DST: variants seen among roughly 807,000 people sequenced by gnomAD.
The protein encoded by DST is dystonin.
Under a neutral mutation model 875.2 loss-of-function variants are expected in DST, and 253 were observed. The ratio of observed to expected loss-of-function variants is 0.29; its 90% CI spans 0.26 to 0.32. DST has a LOEUF of 0.32. Among genes scored for constraint, DST ranks in the 10% least tolerant of loss-of-function variants. DST has a pLI of 1.00. For missense variants in DST, 8,287 were observed against 9,111.6 expected, an observed-to-expected ratio of 0.91 and a Z score of 3.68; for synonymous variants, 3,124 against 3,197.1, an observed-to-expected ratio of 0.98 and a Z score of 0.77.
chr6:56,920,237 T>C (rs2127737564), intron 2 of DST, among the ~76,000 whole-genome samples: 1 of 152,248 alleles, frequency 6.6e-6, no homozygotes, highest in South Asian at 2.1e-4. Flanking sequence ...TCCCCTCCAA[T>C]ATTACTTGCC....
intron 2 of DST, among the ~76,000 whole-genome samples, chr6:56,911,425 C>A (rs1406624416): frequency 6.6e-6 from 1 of 152,106 alleles, no homozygotes. Context: ...AAACTGTGTG[C>A]CTCTGGTATA....
chr6:56,648,127 T>C (rs1034205559), intron 13 of DST, among the ~76,000 whole-genome samples: 1 of 152,204 alleles, frequency 6.6e-6, no homozygotes, highest in Non-Finnish European at 1.5e-5. Context: ...TGAAATACTG[T>C]GTACCTCTTC....
At position 56,639,747 on chromosome 6, in the gene DST, C is replaced by A; in HGVS notation, c.2646G>T (p.Leu882=). The A allele has an allele frequency of 6.2e-7, 1 of 1,613,358 alleles. No homozygotes were observed. Among genetic ancestry groups the A allele is most frequent in the South Asian group, 1.1e-5 (1 of 90,978 alleles). The change falls in exon 20 of 104, where the codon CTG becomes CTT. Residue 882 remains leucine (L), a synonymous_variant. Transcript: ENST00000680361. ...SEIQMTAPLK[L]TYAEKLHRLE... ...ATCTGTGCAACTTTTCTGCATAAGTCAGTTTAAGAGGTGCTGTCATTTGAA... is the reference window on the plus strand; with the variant it reads ...ATCTGTGCAACTTTTCTGCATAAGTAAGTTTAAGAGGTGCTGTCATTTGAA...
chr6:56,628,031 T>C lies in DST; in HGVS notation c.4606A>G (p.Lys1536Glu). Residue 1536 changes from lysine (K) to glutamate (E), a missense_variant, in exon 33 of 104, where the codon AAA becomes GAA. Transcript: ENST00000680361. ...KIQENQPENS[K>E]TLATQLNQQK... ...TGATTCAACTGTGTGGCTAGGGTTT[T>C]ACTATTTTCAGGCTGATTTTCCTGA... 1 of 1,613,976 alleles carries C rather than the reference T, an allele frequency of 6.2e-7. No homozygotes were observed. Among genetic ancestry groups the C allele is most frequent in the Non-Finnish European group, 8.5e-7 (1 of 1,179,842 alleles).
chr6:56,748,861 G>A (rs1176227036), intron 4 of DST, among the ~76,000 whole-genome samples: 1 of 152,062 alleles, frequency 6.6e-6, no homozygotes, highest in Non-Finnish European at 1.5e-5. Flanking sequence ...CAACATCAAG[G>A]AACTAGGACA....
Position 56,459,057 on chromosome 6 carries a change from G to A in DST, c.23405C>T (p.Thr7802Met), listed in dbSNP as rs367598583. ...GCTGGCAGGTGATTTCCTCTGGGGC[G>A]TGGGGATTTTTGAAGGCTTCGCTGT... ...PSTAKPSKIP[T>M]PQRKSPASKL... The change falls in exon 104 of 104, where the codon ACG becomes ATG. Residue 7802 changes from threonine to methionine, a missense_variant. By Grantham distance (81) the Thr-to-Met change is moderately conservative. Around this residue, in one of 10 missense-constraint regions of DST, gnomAD observed 240 missense variants for 237.3 expected, o/e 1.01. Transcript: ENST00000680361. The A allele has an allele frequency of 1.0e-4, 168 of 1,613,832 alleles. No homozygotes were observed. Among genetic ancestry groups the A allele is most frequent in the Non-Finnish European group, 1.3e-4 (153 of 1,179,852 alleles).
At chr6:56,474,871 A>G (rs980512494) in intron 92 of DST, among the ~76,000 whole-genome samples, 1 of 148,324 alleles carries the variant, frequency 6.7e-6, no homozygotes, top group Non-Finnish European at 1.5e-5. Flanking sequence ...AGGTGGGAGG[A>G]TCACTTGAGC....
At chr6:56,685,496 G>A (rs2099179018) in intron 9 of DST, among the ~76,000 whole-genome samples, 1 of 152,110 alleles carries the variant, frequency 6.6e-6, no homozygotes, top group Non-Finnish European at 1.5e-5. Flanking sequence ...AAAAGTCAAG[G>A]CTGGGTGGCT....
At chr6:56,496,538 C>T (rs1221459946) in intron 82 of DST, among the ~76,000 whole-genome samples, 2 of 151,878 alleles carry the variant, frequency 1.3e-5, no homozygotes, top group African/African-American at 4.8e-5. Flanking sequence ...ATGAGACAAT[C>T]ATGCTTATAA....
intron 10 of DST, 45 bp from the exon 11 acceptor site, chr6:56,651,289 A>G (rs1162822918): frequency 1.8e-6 from 2 of 1,140,700 alleles, no homozygotes; most frequent in East Asian, 2.6e-5. Flanking sequence ...TCATGTGCCA[A>G]TTCAACATTA....
At chr6:56,789,893 C>A (rs532209028) in intron 4 of DST, among the ~76,000 whole-genome samples, 1 of 152,186 alleles carries the variant, frequency 6.6e-6, no homozygotes, top group Non-Finnish European at 1.5e-5. Context: ...CTGTAAATAA[C>A]GCTGCTATGT....
At chr6:56,591,517 C>G (rs1464812350) in intron 49 of DST, among the ~76,000 whole-genome samples, 2 of 152,164 alleles carry the variant, frequency 1.3e-5, no homozygotes, top group East Asian at 3.9e-4. Flanking sequence ...ATAAAGCAGA[C>G]AAAGACACGT....
intron 2 of DST, among the ~76,000 whole-genome samples, chr6:56,904,760 G>C (rs1178868802): frequency 6.6e-6 from 1 of 152,048 alleles, no homozygotes; most frequent in Non-Finnish European, 1.5e-5. Flanking sequence ...AACAGTAGGT[G>C]GTGCTATAAG....
intron 9 of DST, among the ~76,000 whole-genome samples, chr6:56,696,586 C>T (rs1436755446): frequency 6.6e-6 from 1 of 152,180 alleles, no homozygotes; most frequent in Non-Finnish European, 1.5e-5. Flanking sequence ...TTTTCTCAAA[C>T]TCAGCCTCTA....
chr6:56,829,516 T>C (rs2099784629), intron 4 of DST, among the ~76,000 whole-genome samples: 1 of 152,134 alleles, frequency 6.6e-6, no homozygotes, highest in Non-Finnish European at 1.5e-5. Flanking sequence ...ATCAAAAGGC[T>C]GGAAGGCATT....
intron 4 of DST, among the ~76,000 whole-genome samples, chr6:56,764,003 T>C (rs1404034797): frequency 6.6e-6 from 1 of 151,842 alleles, no homozygotes; most frequent in Admixed American, 6.6e-5. Flanking sequence ...GATAGTCCAA[T>C]AATTAAGTAT....
chr6:56,630,722 T>A (rs939084494), intron 30 of DST, among the ~76,000 whole-genome samples: 1 of 151,932 alleles, frequency 6.6e-6, no homozygotes, highest in Non-Finnish European at 1.5e-5. Flanking sequence ...TACACACTCA[T>A]CTCTGAAGCA....
chr6:56,878,273 AG>A (rs953569675), intron 3 of DST, among the ~76,000 whole-genome samples: 1 of 152,210 alleles, frequency 6.6e-6, no homozygotes, highest in African/African-American at 2.4e-5. Flanking sequence ...CCTTAAACCA[AG>A]GGAGAGGGCT....
intron 5 of DST, among the ~76,000 whole-genome samples, chr6:56,711,948 G>T (rs905433005): frequency 6.6e-6 from 1 of 151,172 alleles, no homozygotes; most frequent in Non-Finnish European, 1.5e-5. Context: ...AAAATTAGCC[G>T]GGCGTAGTGG....
Sources: allele counts gnomAD v4.1 joint callset (sites outside exome capture counted in the v4.1 genomes callset), GRCh38; gene constraint gnomAD v4.1.1; regional missense constraint gnomAD v4.1.1; transcripts MANE v1.5; gene names NCBI Gene and HGNC (gene_info 2026-07-23, HGNC 2026-07-21).